SLC25A48: variants seen among roughly 807,000 people sequenced by gnomAD.
SLC25A48 encodes solute carrier family 25 member 48.
Under a neutral mutation model 32.2 loss-of-function variants are expected in SLC25A48, and 29 were observed. That is an observed-to-expected ratio of 0.90 (90% CI 0.67 to 1.23). The LOEUF (loss-of-function observed/expected upper bound fraction) is 1.23, where lower values mean the gene tolerates loss of function less well. Among genes scored for constraint, SLC25A48 ranks in the 50% most tolerant of loss-of-function variants. The probability of loss-of-function intolerance (pLI) is 0.00; values close to 1 mark genes in which losing one functional copy is unlikely to be tolerated. For synonymous variants in SLC25A48, 164 were observed against 172.3 expected, an observed-to-expected ratio of 0.95 and a Z score of 0.38; for missense variants, 399 against 422.7, an observed-to-expected ratio of 0.94 and a Z score of 0.49.
intron 3 of SLC25A48, among the ~76,000 whole-genome samples, chr5:135,765,424 C>T (rs1382319278): frequency 6.7e-6 from 1 of 150,164 alleles, no homozygotes; most frequent in African/African-American, 2.5e-5. Context: ...TTTGTAATAT[C>T]GAGGGGGGTG....
At chr5:135,751,471 G>A (rs185941606) in intron 3 of SLC25A48, among the ~76,000 whole-genome samples, 138 of 152,202 alleles carry the variant, frequency 9.1e-4, no homozygotes, top group Middle Eastern at 3.4e-3. Flanking sequence ...ACAAGCCAGG[G>A]GTTTTACACT....
intron 3 of SLC25A48, among the ~76,000 whole-genome samples, chr5:135,696,746 C>A (rs905051798): frequency 6.6e-6 from 1 of 152,164 alleles, no homozygotes; most frequent in Non-Finnish European, 1.5e-5. Context: ...CTGCGGGAGG[C>A]CTCCAGGTAT....
chr5:135,706,370 G>C (rs1027950590), intron 3 of SLC25A48, among the ~76,000 whole-genome samples: 2 of 152,220 alleles, frequency 1.3e-5, no homozygotes, highest in African/African-American at 4.8e-5. Flanking sequence ...TCAAATTCTG[G>C]CTCTGCTGGT....
chr5:135,854,168 G>T (rs1381998273), intron 4 of SLC25A48, among the ~76,000 whole-genome samples: 1 of 152,212 alleles, frequency 6.6e-6, no homozygotes, highest in African/African-American at 2.4e-5. Context: ...AGAACACACA[G>T]AGCAGATTGA....
intron 3 of SLC25A48, among the ~76,000 whole-genome samples, chr5:135,655,909 G>A (rs987495077): frequency 6.6e-6 from 1 of 152,114 alleles, no homozygotes; most frequent in Non-Finnish European, 1.5e-5. Context: ...TGGGAGGGGG[G>A]TCTGGAGCAA....
chr5:135,636,348 A>G (rs1752705042), intron 3 of SLC25A48, among the ~76,000 whole-genome samples: 1 of 152,210 alleles, frequency 6.6e-6, no homozygotes, highest in Non-Finnish European at 1.5e-5. Context: ...ATTTTGTTCC[A>G]TGAGAGAGGG....
intron 3 of SLC25A48, among the ~76,000 whole-genome samples, chr5:135,715,290 C>T (rs1433917144): frequency 1.3e-5 from 2 of 152,178 alleles, no homozygotes; most frequent in Non-Finnish European, 2.9e-5. Flanking sequence ...TCTGTCTCTT[C>T]CCTGCATAAG....
intron 3 of SLC25A48, among the ~76,000 whole-genome samples, chr5:135,644,603 G>A (rs1474738285): frequency 1.3e-5 from 2 of 152,246 alleles, no homozygotes; most frequent in East Asian, 3.9e-4. Context: ...AAGCAGATAA[G>A]AAAACTGAAG....
At chr5:135,646,262 C>CA (rs1224376051) in intron 3 of SLC25A48, among the ~76,000 whole-genome samples, 1 of 112,772 alleles carries the variant, frequency 8.9e-6, no homozygotes, top group African/African-American at 3.1e-5. Flanking sequence ...CCTCTCCGGC[C>CA]GGCTTGGCTC....
chr5:135,706,485 T>C (rs1754510889), intron 3 of SLC25A48, among the ~76,000 whole-genome samples: 1 of 151,758 alleles, frequency 6.6e-6, no homozygotes, highest in African/African-American at 2.4e-5. Flanking sequence ...AAGATGCACT[T>C]AGTACAGGGT....
At chr5:135,694,325 G>A (rs1413922747) in intron 3 of SLC25A48, among the ~76,000 whole-genome samples, 1 of 152,222 alleles carries the variant, frequency 6.6e-6, no homozygotes, top group African/African-American at 2.4e-5. Flanking sequence ...TCTGTGGAGG[G>A]AGGGCTGCAG....
chr5:135,723,100 T>C (rs758985319), intron 3 of SLC25A48, among the ~76,000 whole-genome samples: 1 of 152,150 alleles, frequency 6.6e-6, no homozygotes, highest in African/African-American at 2.4e-5. Context: ...TGTGCACCCA[T>C]ACCTGAGGGC....
At chr5:135,885,921 A>T (rs1469961202) in intron 7 of SLC25A48, among the ~76,000 whole-genome samples, 2 of 152,154 alleles carry the variant, frequency 1.3e-5, no homozygotes, top group African/African-American at 4.8e-5. Flanking sequence ...AACATATATG[A>T]TGTTATTCAT....
In SLC25A48 at chr5:135,654,520, C is replaced by T. The variant is rs532265122; in HGVS notation, c.-521+19564C>T. Among the ~76,000 whole-genome samples the T allele has an allele frequency of 7.2e-5, 11 of 152,156 alleles. No individual in the cohort carries two copies. In the South Asian group the frequency reaches 8.3e-4, roughly 12 times the overall value. ...TGTTTTCTCTGCATCTCATGGTGGG[C>T]CTAAAGTTGTTATAGGTTACAGACC... is the stretch of plus-strand genomic sequence containing the variant. On this transcript the variant is annotated intron_variant, in intron 3 of 10. Transcript: ENST00000646290.
At chr5:135,643,555 G>T (rs1752888900) in intron 3 of SLC25A48, among the ~76,000 whole-genome samples, 1 of 152,214 alleles carries the variant, frequency 6.6e-6, no homozygotes, top group African/African-American at 2.4e-5. Flanking sequence ...GGGGTGACTT[G>T]CCCTCTGCCC....
intron 1 of SLC25A48, among the ~76,000 whole-genome samples, chr5:135,590,809 G>A (rs762288788): frequency 1.3e-5 from 2 of 152,222 alleles, no homozygotes; most frequent in East Asian, 1.9e-4. Flanking sequence ...CTCAGGCAGG[G>A]CAGCCCAAAG....
At chr5:135,639,716 G>C (rs1752789259) in intron 3 of SLC25A48, among the ~76,000 whole-genome samples, 1 of 152,126 alleles carries the variant, frequency 6.6e-6, no homozygotes, top group African/African-American at 2.4e-5. Context: ...CATACCCTGA[G>C]ACTAAGGAAA....
At chr5:135,785,386 A>G (rs868629302) in intron 3 of SLC25A48, among the ~76,000 whole-genome samples, 6 of 150,604 alleles carry the variant, frequency 4.0e-5, no homozygotes, top group Non-Finnish European at 7.4e-5. Flanking sequence ...CGCTTGCCCT[A>G]TGGATTGTAA....
chr5:135,667,386 A>G (rs1232308049), intron 3 of SLC25A48, among the ~76,000 whole-genome samples: 2 of 152,240 alleles, frequency 1.3e-5, no homozygotes, highest in African/African-American at 4.8e-5. Flanking sequence ...ATGCCAAAGT[A>G]CAATGACCAC....
Sources: allele counts gnomAD v4.1 joint callset (sites outside exome capture counted in the v4.1 genomes callset), GRCh38; gene constraint gnomAD v4.1.1; transcripts MANE v1.5; gene names NCBI Gene and HGNC (gene_info 2026-07-23, HGNC 2026-07-21).